The following PTPRT variants were observed in gnomAD, a reference collection of about 807,000 sequenced individuals.
The protein encoded by PTPRT is protein tyrosine phosphatase receptor type T.
Under a neutral mutation model 176.8 loss-of-function variants are expected in PTPRT, and 56 were observed. The ratio of observed to expected loss-of-function variants is 0.32; its 90% CI spans 0.26 to 0.40. PTPRT has a LOEUF of 0.40. PTPRT is among the 10% of genes least tolerant of loss of function. The pLI is 1.00. For synonymous variants in PTPRT, 783 were observed against 739.0 expected, an observed-to-expected ratio of 1.06 and a Z score of -0.96; for missense variants, 1,540 against 1,908.2, an observed-to-expected ratio of 0.81 and a Z score of 3.60.
intron 1 of PTPRT, among the ~76,000 whole-genome samples, chr20:43,188,751 G>GC (rs1032918253): frequency 0.041 from 5,816 of 142,232 alleles, 329 homozygotes; most frequent in Non-Finnish European, 0.063. Context: ...GCTACTCTTG[G>GC]GGGGGGGGGG....
At chr20:42,242,146 T>C (rs1474033052) in intron 14 of PTPRT, among the ~76,000 whole-genome samples, 1 of 152,214 alleles carries the variant, frequency 6.6e-6, no homozygotes, top group Non-Finnish European at 1.5e-5. Flanking sequence ...GGCAATGTGC[T>C]CTCTGAAGGC....
At chr20:42,776,011 T>A (rs1040794034) in intron 4 of PTPRT, among the ~76,000 whole-genome samples, 1 of 152,178 alleles carries the variant, frequency 6.6e-6, no homozygotes, top group Non-Finnish European at 1.5e-5. Context: ...TGACAGGTAA[T>A]CCCTGTAAGC....
intron 15 of PTPRT, among the ~76,000 whole-genome samples, chr20:42,216,165 G>T (rs912250225): frequency 6.6e-6 from 1 of 152,108 alleles, no homozygotes; most frequent in Non-Finnish European, 1.5e-5. Context: ...GGACTCCAGG[G>T]TGATCTCCCT....
intron 2 of PTPRT, among the ~76,000 whole-genome samples, chr20:42,817,463 T>C (rs1231728846): frequency 1.3e-5 from 2 of 151,206 alleles, no homozygotes; most frequent in Non-Finnish European, 2.9e-5. Context: ...TAATACTCCC[T>C]GAATTAAATT....
intron 1 of PTPRT, among the ~76,000 whole-genome samples, chr20:43,108,802 A>G (rs749805862): frequency 1.1e-4 from 16 of 152,218 alleles, no homozygotes; most frequent in Non-Finnish European, 2.1e-4. Flanking sequence ...TGTTAAAATC[A>G]CTGCTCTGAG....
chr20:42,276,876 C>G (rs948475459), intron 13 of PTPRT, among the ~76,000 whole-genome samples: 1 of 151,836 alleles, frequency 6.6e-6, no homozygotes, highest in Non-Finnish European at 1.5e-5. Flanking sequence ...TCCTCTGGGC[C>G]CCAGTCTTAG....
intron 1 of PTPRT, among the ~76,000 whole-genome samples, chr20:43,115,492 T>C (rs888205700): frequency 2.6e-5 from 4 of 152,192 alleles, no homozygotes; most frequent in Admixed American, 6.5e-5. Context: ...CACAGAGCCA[T>C]GGTTCTCAAC....
At chr20:43,084,732 T>C (rs1040781490) in intron 1 of PTPRT, among the ~76,000 whole-genome samples, 2 of 152,094 alleles carry the variant, frequency 1.3e-5, no homozygotes, top group Non-Finnish European at 2.9e-5. Context: ...CAGAAAAAAA[T>C]AAGCATGTAG....
At chr20:42,836,601 G>T (rs1377111986) in intron 2 of PTPRT, among the ~76,000 whole-genome samples, 1 of 152,180 alleles carries the variant, frequency 6.6e-6, no homozygotes, top group Non-Finnish European at 1.5e-5. Context: ...AGAGCTGCAA[G>T]TCAGAAATGG....
chr20:42,841,493 C>T (rs1210678646), intron 2 of PTPRT, among the ~76,000 whole-genome samples: 1 of 152,164 alleles, frequency 6.6e-6, no homozygotes, highest in Middle Eastern at 3.4e-3. Context: ...TGGGCTCAGA[C>T]ACACAAATAT....
At chr20:42,708,373 A>C (rs993620337) in intron 6 of PTPRT, among the ~76,000 whole-genome samples, 1 of 152,222 alleles carries the variant, frequency 6.6e-6, no homozygotes, top group African/African-American at 2.4e-5. Context: ...AAGCTACTTG[A>C]AAAAGAGAAC....
intron 2 of PTPRT, among the ~76,000 whole-genome samples, chr20:42,833,241 A>G (rs2078123296): frequency 6.6e-6 from 1 of 151,548 alleles, no homozygotes; most frequent in Non-Finnish European, 1.5e-5. Flanking sequence ...ACCTAAAGTC[A>G]TTATGAAACC....
At chr20:42,295,704 A>G (rs1389428482) in intron 12 of PTPRT, among the ~76,000 whole-genome samples, 1 of 152,178 alleles carries the variant, frequency 6.6e-6, no homozygotes, top group Non-Finnish European at 1.5e-5. Flanking sequence ...TTATTGTTGT[A>G]CAGGCAGTGC....
At chr20:42,954,544 G>A (rs1390153590) in intron 1 of PTPRT, among the ~76,000 whole-genome samples, 2 of 152,188 alleles carry the variant, frequency 1.3e-5, no homozygotes, top group Non-Finnish European at 2.9e-5. Context: ...GGCAAGCACA[G>A]CATGTTATCC....
chr20:42,302,472 C>A (rs1393509530), intron 12 of PTPRT, among the ~76,000 whole-genome samples: 1 of 152,142 alleles, frequency 6.6e-6, no homozygotes, highest in Non-Finnish European at 1.5e-5. Context: ...CACTGTCTAC[C>A]TGGAAAATAT....
chr20:42,824,394 T>C (rs1569177140), intron 2 of PTPRT, among the ~76,000 whole-genome samples: 2 of 151,902 alleles, frequency 1.3e-5, no homozygotes, highest in Non-Finnish European at 2.9e-5. Flanking sequence ...CCACAATAAT[T>C]AAAAGAGTGT....
Position 42,978,936 on chromosome 20 carries a change from G to A in PTPRT, c.89-93004C>T, listed in dbSNP as rs1030700704. Among the ~76,000 whole-genome samples the A allele has an allele frequency of 2.1e-4, 32 of 152,228 alleles. 1 individual carries two copies. Among genetic ancestry groups the A allele is most frequent in the South Asian group, 2.1e-4 (1 of 4,822 alleles). ...CGGCTGCTCTGTCTATGGAGTAGCCGTTCTTTTGTTACCTCAGTTTCCTAA... is the reference window on the plus strand; with the variant it reads ...CGGCTGCTCTGTCTATGGAGTAGCCATTCTTTTGTTACCTCAGTTTCCTAA... On this transcript the variant is annotated intron_variant, in intron 1 of 30. Coordinates refer to ENST00000373187, the MANE Select transcript of PTPRT (RefSeq NM_007050.6).
At chr20:42,416,777 T>C (rs1328021066) in intron 9 of PTPRT, among the ~76,000 whole-genome samples, 2 of 152,142 alleles carry the variant, frequency 1.3e-5, no homozygotes, top group African/African-American at 4.8e-5. Context: ...AATAAGATAA[T>C]GATTAAGACA....
chr20:43,140,955 ACT>A (rs1568808498), intron 1 of PTPRT, among the ~76,000 whole-genome samples: 1 of 152,084 alleles, frequency 6.6e-6, no homozygotes, highest in Non-Finnish European at 1.5e-5. Flanking sequence ...ACATATTCGG[ACT>A]CACACTCAGG....
Sources: gnomAD v4.1 joint callset for allele counts (sites outside exome capture counted in the v4.1 genomes callset) on GRCh38, gnomAD v4.1.1 for gene constraint, MANE v1.5 for transcripts, NCBI Gene and HGNC (gene_info 2026-07-23, HGNC 2026-07-21) for gene names.